HDHD5: variants seen among roughly 807,000 people sequenced by gnomAD.
HDHD5 encodes haloacid dehalogenase like hydrolase domain containing 5, also known as haloacid dehalogenase-like hydrolase domain-containing 5.
A neutral mutation model predicts 35.5 loss-of-function variants in HDHD5; 34 were observed. The observed-to-expected ratio is 0.96, with a 90% CI of 0.73 to 1.28. The LOEUF (loss-of-function observed/expected upper bound fraction) is 1.28. Among genes scored for constraint, HDHD5 ranks in the 50% most tolerant of loss-of-function variants. The pLI is 0.00. For synonymous variants in HDHD5, 248 were observed against 240.6 expected, an observed-to-expected ratio of 1.03 and a Z score of -0.29; for missense variants, 589 against 560.2, an observed-to-expected ratio of 1.05 and a Z score of -0.52.
intron 5 of HDHD5, 41 bp from the exon 6 acceptor site, chr22:17,141,274 T>G: frequency 6.4e-7 from 1 of 1,553,872 alleles, no homozygotes. Context: ...GCAGGGCAGA[T>G]GGCAGGCGGC....
rs757346994 is a variant in HDHD5 at position 17,138,062 on chromosome 22, C to A, written c.1231G>T (p.Val411Leu). Reference protein sequence around the residue: ...SHVVNDVNEAVQLVFRKEGWA... With the variant: ...SHVVNDVNEALQLVFRKEGWA... ...CCCTCCTTGCGGAAGACCAGCTGCACAGCCTCATTCACGTCATTCACCACG... is the reference window on the plus strand; with the variant it reads ...CCCTCCTTGCGGAAGACCAGCTGCAAAGCCTCATTCACGTCATTCACCACG... The change falls in exon 8 of 8, where the codon GTG (valine) becomes TTG (leucine). Residue 411 changes from valine to leucine, a missense_variant. By Grantham distance (32) the Val-to-Leu change is conservative (BLOSUM62 1). Coordinates refer to ENST00000336737, the MANE Select transcript of HDHD5 (RefSeq NM_033070.3). 6.2e-7 allele frequency: 1 copy of A among 1,613,978 alleles called. No individual in the cohort carries two copies. Among genetic ancestry groups the A allele is most frequent in the South Asian group, 1.1e-5 (1 of 91,072 alleles).
intron 1 of HDHD5, among the ~76,000 whole-genome samples, chr22:17,149,961 C>T (rs947785828): frequency 1.3e-4 from 20 of 152,104 alleles, no homozygotes; most frequent in Non-Finnish European, 2.4e-4. Flanking sequence ...TTTAATCATT[C>T]GCTTTTACAG....
In HDHD5 at chr22:17,141,146, G is replaced by A; in HGVS notation, c.659C>T (p.Ala220Val). Reference sequence around the variant, plus strand: ...GGGGTAGGGGGGTGTTGCCAGGCCAGCCCCAGGGCTCCCATTGCTGAGGAG... The same window carrying A: ...GGGGTAGGGGGGTGTTGCCAGGCCAACCCCAGGGCTCCCATTGCTGAGGAG... ...DVLLSNGSPG[A>V]GLATPPYPHL... The change falls in exon 6 of 8, where the codon GCT (alanine) becomes GTT (valine). Residue 220 changes from alanine (A) to valine (V), a missense_variant. Coordinates refer to ENST00000336737, the MANE Select transcript of HDHD5 (RefSeq NM_033070.3). 6.3e-7 allele frequency: 1 copy of A among 1,593,280 alleles called. No individual in the cohort carries two copies. Among genetic ancestry groups the A allele is most frequent in the Non-Finnish European group, 8.5e-7 (1 of 1,171,778 alleles).
rs1477793979 is a variant in HDHD5, at chr22:17,141,131, G to A, written c.674C>T (p.Pro225Leu). The A allele has an allele frequency of 1.9e-6, 3 of 1,595,336 alleles. No individual in the cohort carries two copies. Among genetic ancestry groups the A allele is most frequent in the Admixed American group, 3.6e-5 (2 of 55,980 alleles). The change falls in exon 6 of 8, where the codon CCC becomes CTC. Residue 225 changes from proline to leucine, a missense_variant. By Grantham distance (98) the Pro-to-Leu change is moderately conservative. Coordinates refer to ENST00000336737, the MANE Select transcript of HDHD5 (RefSeq NM_033070.3). ...NGSPGAGLAT[P>L]PYPHLPVLAS... ...TAGGACGGGGAGGTGGGGGTAGGGG[G>A]GTGTTGCCAGGCCAGCCCCAGGGCT...
intron 4 of HDHD5, 120 bp downstream of exon 4, chr22:17,144,904 C>A (rs2061643271): frequency 1.6e-6 from 2 of 1,254,348 alleles, no homozygotes; most frequent in Non-Finnish European, 2.3e-6. Flanking sequence ...GATGTGCCTC[C>A]AAAGAAGCAT....
chr22:17,165,026 C>A (rs1243725561), intron 1 of HDHD5, among the ~76,000 whole-genome samples: 1 of 152,164 alleles, frequency 6.6e-6, no homozygotes, highest in Admixed American at 6.5e-5. Flanking sequence ...CTTTCTATCT[C>A]TCTCCATCTC....
intron 1 of HDHD5, among the ~76,000 whole-genome samples, chr22:17,153,240 C>A (rs2061748924): frequency 6.6e-6 from 1 of 152,160 alleles, no homozygotes; most frequent in African/African-American, 2.4e-5. Context: ...GCAAAATGTG[C>A]CGGTTTATAC....
intron 1 of HDHD5, 32 bp downstream of exon 1, chr22:17,159,094 G>T: frequency 8.1e-7 from 1 of 1,238,980 alleles, no homozygotes; most frequent in South Asian, 3.8e-5. Context: ...CCTGAGTGGC[G>T]AGTGGCTCGG....
upstream of HDHD5, among the ~76,000 whole-genome samples, chr22:17,160,610 A>G (rs3761401): frequency 0.22 from 33,539 of 150,782 alleles, 4,708 homozygotes; most frequent in East Asian, 0.5. Context: ...GATTGCGCCA[A>G]TGCACTCCAG....
chr22:17,156,294 A>G (rs1267281581), intron 1 of HDHD5, among the ~76,000 whole-genome samples: 2 of 152,126 alleles, frequency 1.3e-5, no homozygotes, highest in Admixed American at 1.3e-4. Context: ...TTGTGTCTTC[A>G]TTTTTAACAA....
intron 4 of HDHD5, 88 bp from the exon 5 acceptor site, chr22:17,143,219 G>T: frequency 6.9e-7 from 1 of 1,439,776 alleles, no homozygotes; most frequent in Non-Finnish European, 9.5e-7. Flanking sequence ...GCTGGGAGGG[G>T]AGGGGAGACA....
upstream of HDHD5, among the ~76,000 whole-genome samples, chr22:17,163,884 T>G (rs1479399406): frequency 6.6e-6 from 1 of 152,144 alleles, no homozygotes; most frequent in Non-Finnish European, 1.5e-5. Context: ...TCCCTCACAG[T>G]CCTGTCATGC....
At chr22:17,158,274 T>C (rs537705123) in intron 1 of HDHD5, among the ~76,000 whole-genome samples, 5 of 151,976 alleles carry the variant, frequency 3.3e-5, no homozygotes, top group African/African-American at 4.8e-5. Context: ...TGAGCAGAGA[T>C]TGCGCCACTG....
At chr22:17,154,616 CTTTTTTTTTTTT>C (rs56885882) in intron 1 of HDHD5, among the ~76,000 whole-genome samples, 6 of 126,190 alleles carry the variant, frequency 4.8e-5, no homozygotes, top group Non-Finnish European at 1.0e-4. Context: ...TCCTTATTTT[CTTTTTTTTTTTT>C]TTTTGGTTGA....
chr22:17,141,011 A>G, intron 6 of HDHD5, 48 bp downstream of exon 6: 1 of 1,491,674 alleles, frequency 6.7e-7, no homozygotes, highest in Non-Finnish European at 8.9e-7. Context: ...CCCAGGCAGC[A>G]GCCAGGAATA....
intron 2 of HDHD5, among the ~76,000 whole-genome samples, chr22:17,149,056 A>G (rs1398100132): frequency 6.6e-6 from 1 of 152,240 alleles, no homozygotes; most frequent in African/African-American, 2.4e-5. Flanking sequence ...CACATTTTAC[A>G]TGCAACTTTG....
At position 17,141,386 on chromosome 22, in the gene HDHD5, C is replaced by T. The variant is rs1028573532; in HGVS notation, c.572-153G>A. 30 of 1,389,290 alleles carry T rather than the reference C, an allele frequency of 2.2e-5. No homozygotes were observed. The African/African-American group carries it at 2.9e-4, about 13-fold the overall frequency. 86.1% of individuals were successfully genotyped at this position (1,389,290 alleles called of 1,614,324 possible). ...AGCTCCCCAACAAGCCCAGTAGAGC[C>T]CCTTACCCATCCACCCTGGGTGCAC... On this transcript the variant is annotated intron_variant, in intron 5 of 7. Coordinates refer to ENST00000336737, the MANE Select transcript of HDHD5 (RefSeq NM_033070.3).
intron 5 of HDHD5, chr22:17,142,787 C>A: frequency 3.4e-6 from 1 of 297,742 alleles, no homozygotes; most frequent in Non-Finnish European, 6.2e-6. Flanking sequence ...TTCCAATGTT[C>A]TTGGTATAAA....
chr22:17,162,054 C>A (rs142149111), upstream of HDHD5, among the ~76,000 whole-genome samples: 30 of 152,224 alleles, frequency 2.0e-4, no homozygotes, highest in East Asian at 5.2e-3. Context: ...TTAGATAACT[C>A]ATTCTAGGAA....
Sources: allele counts gnomAD v4.1 joint callset (sites outside exome capture counted in the v4.1 genomes callset), GRCh38; gene constraint gnomAD v4.1.1; transcripts MANE v1.5; gene names NCBI Gene and HGNC (gene_info 2026-07-23, HGNC 2026-07-21).